SPECC1: variants seen among roughly 807,000 people sequenced by gnomAD.
SPECC1 encodes the protein cytospin-B.
In SPECC1, 62 loss-of-function variants were observed where a neutral mutation model predicts 104.1. That is an observed-to-expected ratio of 0.60 (90% CI 0.49 to 0.74). The LOEUF is 0.74. Ranked by LOEUF, SPECC1 falls within the 30% of genes least tolerant of loss-of-function variation. SPECC1 has a pLI of 0.00. For missense variants in SPECC1, 1,306 were observed against 1,310.5 expected (o/e 1.00, Z 0.05); for synonymous variants, 513 against 501.6 (o/e 1.02, Z -0.30).
In SPECC1 at chr17:20,309,067, C is replaced by G. The variant is rs951865697; in HGVS notation, c.3117+2985C>G. Reference sequence around the variant, plus strand: ...CAGGGGTTTCATTGGTGTGGATGGTCTGTGAGGAGCTGCTGACACACATGA... The same window carrying G: ...CAGGGGTTTCATTGGTGTGGATGGTGTGTGAGGAGCTGCTGACACACATGA... On this transcript the variant is annotated intron_variant, in intron 14 of 14. Coordinates refer to ENST00000395527, the MANE Select transcript of SPECC1 (RefSeq NM_001243439.2). Among the ~76,000 whole-genome samples the G allele has an allele frequency of 6.6e-5, 10 of 152,248 alleles. No homozygotes were observed. The South Asian group carries it at 2.1e-3, about 32-fold the overall frequency.
intron 1 of SPECC1, among the ~76,000 whole-genome samples, chr17:20,065,189 A>G (rs536433665): frequency 2.0e-4 from 30 of 152,238 alleles, no homozygotes; most frequent in African/African-American, 7.2e-4. Flanking sequence ...TCTGTGACCA[A>G]ATGTATGGGG....
intron 12 of SPECC1, among the ~76,000 whole-genome samples, chr17:20,295,087 A>T (rs1283076563): frequency 1.3e-5 from 2 of 151,840 alleles, no homozygotes; most frequent in African/African-American, 2.4e-5. Context: ...TTGTTACATA[A>T]GTATACATGT....
At chr17:20,251,237 A>AAAAAAAAAAAAAAAAAAAAAAAAAAAAAC (rs1567984604) in intron 9 of SPECC1, among the ~76,000 whole-genome samples, 1 of 149,884 alleles carries the variant, frequency 6.7e-6, no homozygotes, top group Admixed American at 6.7e-5. Context: ...AAAAAAAAAA[A>AAAAAAAAAAAAAAAAAAAAAAAAAAAAAC]AAAAGCATAT....
chr17:20,297,615 A>G (rs193207251), intron 13 of SPECC1, among the ~76,000 whole-genome samples: 2 of 152,308 alleles, frequency 1.3e-5, no homozygotes, highest in Admixed American at 1.3e-4. Context: ...TCCAGTCACA[A>G]CTGTTCAACT....
chr17:20,029,701 T>G (rs980102085), intron 1 of SPECC1, among the ~76,000 whole-genome samples: 1 of 152,178 alleles, frequency 6.6e-6, no homozygotes, highest in Non-Finnish European at 1.5e-5. Context: ...TTCTAATTTG[T>G]TGGCACACAT....
intron 12 of SPECC1, among the ~76,000 whole-genome samples, chr17:20,269,945 C>T (rs1023672544): frequency 1.3e-5 from 2 of 152,206 alleles, no homozygotes; most frequent in Non-Finnish European, 2.9e-5. Flanking sequence ...GAGTAAGGCA[C>T]TGACACAGGC....
rs1259796468 is a variant in SPECC1 at position 20,318,842 on chromosome 17, CTAACTT to C, written c.*4783_*4788del. 3 of 202,820 alleles carry C rather than the reference CTAACTT, an allele frequency of 1.5e-5. No homozygotes were observed. The highest frequency in any genetic ancestry group is 6.9e-5 in the African/African-American group (3 of 43,428). The allele number at this position is 202,820 out of a possible 1,614,324, so 12.6% of individuals were successfully genotyped here. A position where few individuals can be genotyped will look rare whatever the true frequency, so the allele number is the denominator to read the frequency against. ...CACACTAATTTTTTTTTTTAGCACA[CTAACTT>C]TAACTACATTAGTTGAGTGTAGTTG... On this transcript the variant is annotated 3_prime_UTR_variant, in exon 15 of 15. Transcript: ENST00000395527.
chr17:20,083,355 G>T (rs945715937), intron 1 of SPECC1, among the ~76,000 whole-genome samples: 1 of 152,188 alleles, frequency 6.6e-6, no homozygotes, highest in African/African-American at 2.4e-5. Context: ...TAGACAAAAT[G>T]CTTGGAATTT....
intron 3 of SPECC1, among the ~76,000 whole-genome samples, chr17:20,180,163 A>G (rs2151222052): frequency 6.6e-6 from 1 of 152,322 alleles, no homozygotes; most frequent in African/African-American, 2.4e-5. Flanking sequence ...CACAGAGGTA[A>G]GCAGGCCAGG....
At chr17:20,028,478 G>GA (rs915649319) in intron 1 of SPECC1, among the ~76,000 whole-genome samples, 89 of 139,056 alleles carry the variant, frequency 6.4e-4, no homozygotes, top group Non-Finnish European at 6.8e-4. Flanking sequence ...CTACAAAAAA[G>GA]AAAAAAAAAA....
intron 7 of SPECC1, chr17:20,237,008 T>C (rs2038955427): frequency 6.4e-7 from 1 of 1,561,620 alleles, no homozygotes; most frequent in Non-Finnish European, 8.6e-7. Context: ...GTTGTCTCCT[T>C]GTGACATTCT....
At chr17:20,224,448 A>T (rs929544697) in intron 4 of SPECC1, among the ~76,000 whole-genome samples, 2 of 152,318 alleles carry the variant, frequency 1.3e-5, no homozygotes, top group South Asian at 4.1e-4. Flanking sequence ...GTTCCCTTCT[A>T]GCCCAGAGTG....
At chr17:20,190,580 A>C (rs1047667798) in intron 3 of SPECC1, among the ~76,000 whole-genome samples, 2 of 152,222 alleles carry the variant, frequency 1.3e-5, no homozygotes, top group African/African-American at 4.8e-5. Flanking sequence ...AAACACACTC[A>C]GCCTCCTCAT....
chr17:20,160,446 C>T (rs2033034521), intron 3 of SPECC1, among the ~76,000 whole-genome samples: 1 of 152,066 alleles, frequency 6.6e-6, no homozygotes, highest in Admixed American at 6.6e-5. Flanking sequence ...GTCACAGAGA[C>T]CCACTGACAT....
intron 3 of SPECC1, among the ~76,000 whole-genome samples, chr17:20,140,837 G>A (rs1311724670): frequency 6.6e-6 from 1 of 152,208 alleles, no homozygotes; most frequent in African/African-American, 2.4e-5. Flanking sequence ...GCTGTCATGA[G>A]ATCACTTCTC....
intron 13 of SPECC1, among the ~76,000 whole-genome samples, chr17:20,299,899 C>G (rs1266372311): frequency 6.6e-6 from 1 of 152,126 alleles, no homozygotes. Flanking sequence ...TGGGGGTCGT[C>G]CATGAAGAGA....
chr17:20,182,210 C>A (rs2034954330), intron 3 of SPECC1, among the ~76,000 whole-genome samples: 1 of 148,970 alleles, frequency 6.7e-6, no homozygotes. Context: ...TCCTCCAGGG[C>A]CCAGGTGATT....
At chr17:20,156,207 A>G (rs890921891) in intron 3 of SPECC1, 4 of 1,428,190 alleles carry the variant, frequency 2.8e-6, no homozygotes, top group Non-Finnish European at 3.7e-6. Context: ...ATGGGCAACC[A>G]CTCAGGACGG....
At chr17:20,094,930 A>G (rs1207974077) in intron 1 of SPECC1, among the ~76,000 whole-genome samples, 2 of 152,234 alleles carry the variant, frequency 1.3e-5, no homozygotes, top group Admixed American at 1.3e-4. Flanking sequence ...AATTCTAATC[A>G]TAACATAAAA....
Sources: gnomAD v4.1 joint callset for allele counts (sites outside exome capture counted in the v4.1 genomes callset) on GRCh38, gnomAD v4.1.1 for gene constraint, MANE v1.5 for transcripts, NCBI Gene and HGNC (gene_info 2026-07-23, HGNC 2026-07-21) for gene names.